Variants in CFAP299 observed in about 807,000 individuals in gnomAD.
CFAP299 encodes the protein cilia and flagella associated protein 299.
In CFAP299, 21 loss-of-function variants were observed where a neutral mutation model predicts 27.0. That is an observed-to-expected ratio of 0.78 (90% confidence interval 0.55 to 1.12). CFAP299 has a LOEUF of 1.12. Among genes scored for constraint, CFAP299 ranks in the 50% most tolerant of loss-of-function variants. The probability of loss-of-function intolerance (pLI) is 0.00; values close to 1 mark genes in which losing one functional copy is unlikely to be tolerated. For missense variants in CFAP299, 310 were observed against 276.6 expected (o/e 1.12, Z -0.86); for synonymous variants, 104 against 98.1 (o/e 1.06, Z -0.36).
intron 5 of CFAP299, 62 bp from the exon 6 acceptor site, chr4:80,963,455 A>T: frequency 3.9e-6 from 4 of 1,030,598 alleles, no homozygotes; most frequent in Non-Finnish European, 5.3e-6. Context: ...ATAAAAAAAA[A>T]ATTTTAAAAA....
At chr4:80,629,392 G>T (rs1739090241) in intron 3 of CFAP299, among the ~76,000 whole-genome samples, 1 of 152,046 alleles carries the variant, frequency 6.6e-6, no homozygotes, top group Admixed American at 6.5e-5. Context: ...GAGCTCTATT[G>T]TACAACTTGG....
intron 2 of CFAP299, among the ~76,000 whole-genome samples, chr4:80,546,041 A>G (rs1578579321): frequency 6.6e-6 from 1 of 152,196 alleles, no homozygotes; most frequent in Non-Finnish European, 1.5e-5. Context: ...GACCTTTGGT[A>G]AAATTCATCC....
intron 2 of CFAP299, among the ~76,000 whole-genome samples, chr4:80,436,697 G>C (rs1728100264): frequency 6.6e-6 from 1 of 152,128 alleles, no homozygotes; most frequent in Admixed American, 6.5e-5. Context: ...AAGCTATCTT[G>C]GAACAAGAGA....
intron 3 of CFAP299, among the ~76,000 whole-genome samples, chr4:80,774,304 A>T (rs541685534): frequency 2.6e-5 from 4 of 152,008 alleles, no homozygotes; most frequent in African/African-American, 9.6e-5. Flanking sequence ...ATACCTTTTT[A>T]GGGGAAACAT....
intron 5 of CFAP299, among the ~76,000 whole-genome samples, chr4:80,962,093 C>T (rs1412507058): frequency 6.6e-6 from 1 of 151,952 alleles, no homozygotes; most frequent in Admixed American, 6.6e-5. Flanking sequence ...CTTAAGCCCC[C>T]AGGGGTACAA....
At chr4:80,470,597 G>A (rs1359155440) in intron 2 of CFAP299, among the ~76,000 whole-genome samples, 3 of 152,058 alleles carry the variant, frequency 2.0e-5, no homozygotes, top group Non-Finnish European at 4.4e-5. Context: ...GACTTCAATT[G>A]GGGATGTGAC....
chr4:80,828,139 A>G (rs1330696968), intron 3 of CFAP299, among the ~76,000 whole-genome samples: 1 of 152,060 alleles, frequency 6.6e-6, no homozygotes, highest in African/African-American at 2.4e-5. Context: ...TACAGATTCA[A>G]TGCAATCCTT....
chr4:80,362,338 G>T (rs1723589088), intron 1 of CFAP299, among the ~76,000 whole-genome samples: 1 of 150,676 alleles, frequency 6.6e-6, no homozygotes. Context: ...AAAGCAGCTT[G>T]GTTCTTTTTT....
chr4:80,898,552 G>A (rs1734727379), intron 4 of CFAP299, among the ~76,000 whole-genome samples: 1 of 151,964 alleles, frequency 6.6e-6, no homozygotes, highest in African/African-American at 2.4e-5. Flanking sequence ...TCTCATTTTG[G>A]GCCATGATAT....
At chr4:80,906,922 T>G (rs1207065630) in intron 4 of CFAP299, among the ~76,000 whole-genome samples, 3 of 152,178 alleles carry the variant, frequency 2.0e-5, no homozygotes, top group Non-Finnish European at 4.4e-5. Flanking sequence ...TAATTAACAT[T>G]TGGCTCTTCA....
intron 3 of CFAP299, among the ~76,000 whole-genome samples, chr4:80,684,559 C>T (rs1297675641): frequency 6.6e-6 from 1 of 152,120 alleles, no homozygotes; most frequent in Non-Finnish European, 1.5e-5. Flanking sequence ...TGAGCCACTG[C>T]GCCCGGCCTG....
At chr4:80,816,525 T>TCTACA (rs1396393439) in intron 3 of CFAP299, among the ~76,000 whole-genome samples, 1 of 152,122 alleles carries the variant, frequency 6.6e-6, no homozygotes, top group Non-Finnish European at 1.5e-5. Flanking sequence ...TGAAAACACA[T>TCTACA]TTTAGTCCTC....
At chr4:80,495,900 GT>G (rs768433151) in intron 2 of CFAP299, among the ~76,000 whole-genome samples, 37 of 152,296 alleles carry the variant, frequency 2.4e-4, no homozygotes, top group Non-Finnish European at 5.0e-4. Flanking sequence ...GCCAGGGCTG[GT>G]GCTGGAACAG....
intron 2 of CFAP299, among the ~76,000 whole-genome samples, chr4:80,497,580 A>G (rs1443817612): frequency 6.6e-6 from 1 of 152,054 alleles, no homozygotes; most frequent in Non-Finnish European, 1.5e-5. Context: ...TTTTGTTACC[A>G]TTTGGGTATT....
intron 3 of CFAP299, among the ~76,000 whole-genome samples, chr4:80,744,869 C>T (rs947414647): frequency 5.3e-5 from 8 of 152,094 alleles, no homozygotes; most frequent in African/African-American, 1.9e-4. Context: ...GACTTGGCCA[C>T]CTTATATATA....
intron 3 of CFAP299, among the ~76,000 whole-genome samples, chr4:80,781,174 C>T (rs1215479887): frequency 6.6e-6 from 1 of 151,918 alleles, no homozygotes; most frequent in African/African-American, 2.4e-5. Context: ...TTTTGAGGTA[C>T]AAATTCACAC....
At position 80,583,221 on chromosome 4, in the gene CFAP299, CTAAA is replaced by C. The variant is rs576113288; in HGVS notation, c.333+40_333+43del. The stretch of plus-strand genomic sequence containing the variant: ...CATCCAACAGCTTAAAATGTATACA[CTAAA>C]TGCACAATTAATATTAAAAAATGTA... On this transcript the variant is annotated intron_variant, in intron 3 of 5. Coordinates refer to ENST00000358105, the MANE Select transcript of CFAP299 (RefSeq NM_152770.3). 234 of 1,180,298 alleles carry C rather than the reference CTAAA, an allele frequency of 2.0e-4. 1 individual carries two copies. The African/African-American group carries it at 3.4e-3, about 17-fold the overall frequency. The allele number at this position is 1,180,298 out of a possible 1,614,324, so 73.1% of individuals were successfully genotyped here.
chr4:80,923,763 C>A (rs1227199243), intron 4 of CFAP299, among the ~76,000 whole-genome samples: 3 of 151,900 alleles, frequency 2.0e-5, no homozygotes, highest in Non-Finnish European at 4.4e-5. Flanking sequence ...AAATCATGGA[C>A]CTCATTTGAA....
At chr4:80,594,335 A>C (rs1013631592) in intron 3 of CFAP299, among the ~76,000 whole-genome samples, 5 of 152,086 alleles carry the variant, frequency 3.3e-5, no homozygotes, top group Admixed American at 6.6e-5. Context: ...ATGAGAACTC[A>C]CTCACTATTA....
Sources: gnomAD v4.1 joint callset for allele counts (sites outside exome capture counted in the v4.1 genomes callset) on GRCh38, gnomAD v4.1.1 for gene constraint, MANE v1.5 for transcripts, NCBI Gene and HGNC (gene_info 2026-07-23, HGNC 2026-07-21) for gene names.